Variants in PRDM1 observed in about 807,000 individuals in gnomAD.
PRDM1 encodes the protein PR/SET domain 1.
Under a neutral mutation model 62.8 loss-of-function variants are expected in PRDM1, and 13 were observed. That is an observed-to-expected ratio of 0.21 (90% CI 0.13 to 0.33). PRDM1 has a LOEUF of 0.33. Among genes scored for constraint, PRDM1 ranks in the 10% least tolerant of loss-of-function variants. PRDM1 has a pLI of 1.00. For missense variants in PRDM1, 895 were observed against 1,058.8 expected, an observed-to-expected ratio of 0.85 and a Z score of 2.15; for synonymous variants, 396 against 417.6, an observed-to-expected ratio of 0.95 and a Z score of 0.63.
intron 4 of PRDM1, among the ~76,000 whole-genome samples, chr6:106,102,174 G>A (rs1774291597): frequency 6.6e-6 from 1 of 152,096 alleles, no homozygotes; most frequent in Non-Finnish European, 1.5e-5. Context: ...TAAGCCATTC[G>A]GAGTCTTCAG....
Position 106,088,192 on chromosome 6 carries a change from C to G in PRDM1, c.43-9C>G. ...AATGGGGATTAAAGGCCTTTCCTTT[C>G]TCTTCCAGGCTGCCCCCAAGTGTAA... On this transcript the variant is annotated splice_polypyrimidine_tract_variant and intron_variant, in intron 1 of 6. Transcript: ENST00000369096. 6.3e-7 allele frequency: 1 copy of G among 1,590,494 alleles called. No homozygotes were observed. Among genetic ancestry groups the G allele is most frequent in the Non-Finnish European group, 8.6e-7 (1 of 1,167,868 alleles).
chr6:106,066,391 C>T (rs1205016525), intron 1 of PRDM1, among the ~76,000 whole-genome samples: 3 of 152,056 alleles, frequency 2.0e-5, no homozygotes, highest in East Asian at 1.9e-4. Context: ...CCCTCAAAGA[C>T]GATTATCAGA....
rs916060644 is a variant in PRDM1, at chr6:106,108,956, A to ATG, written c.*1472_*1473dup. 1 of 225,760 alleles carries ATG rather than the reference A, an allele frequency of 4.4e-6. No homozygotes were observed. Among genetic ancestry groups the ATG allele is most frequent in the Non-Finnish European group, 8.8e-6 (1 of 113,102 alleles). 14.0% of individuals were successfully genotyped at this position (225,760 alleles called of 1,614,324 possible). On this transcript the variant is annotated 3_prime_UTR_variant, in exon 7 of 7. Coordinates refer to ENST00000369096, the MANE Select transcript of PRDM1 (RefSeq NM_001198.4). ...TTATTCTGCTAAGCCCAAAGATTAC[A>ATG]TGTTGGTGTTCAAAGTGTAGCAAAA...
At chr6:106,084,901 C>T (rs1315197149), upstream of PRDM1, among the ~76,000 whole-genome samples, 3 of 152,124 alleles carry the variant, frequency 2.0e-5, no homozygotes, top group African/African-American at 7.2e-5. Context: ...CTAATCATGT[C>T]CCCTAGTGGG....
At chr6:106,069,259 G>T (rs2114599452) in intron 1 of PRDM1, among the ~76,000 whole-genome samples, 1 of 152,070 alleles carries the variant, frequency 6.6e-6, no homozygotes, top group East Asian at 1.9e-4. Context: ...ATAATGTCTA[G>T]GTTTAAAATA....
rs780000663 is a variant in PRDM1, at chr6:105,998,812, G to A, written c.-67+5173G>A. ...TTATAGTTCTGCCTCTGCCAGGCTG[G>A]TAATATCCATCTTCCCTTACTGGGT... is the stretch of plus-strand genomic sequence containing the variant. On this transcript the variant is annotated intron_variant, in intron 1 of 6. Coordinates refer to the PRDM1 transcript ENST00000652320. Among the ~76,000 whole-genome samples, 48 of 151,088 alleles carry A rather than the reference G, an allele frequency of 3.2e-4. 1 individual carries two copies. The highest frequency in any genetic ancestry group is 3.5e-3 in the Middle Eastern group (1 of 288).
At chr6:106,098,623 C>T in intron 3 of PRDM1, 4 of 1,323,556 alleles carry the variant, frequency 3.0e-6, no homozygotes, top group South Asian at 2.5e-5. Context: ...AAAGTGACTT[C>T]TCAGTAATAG....
intron 1 of PRDM1, among the ~76,000 whole-genome samples, chr6:106,076,662 T>G (rs1773610103): frequency 1.3e-5 from 2 of 152,244 alleles, no homozygotes; most frequent in South Asian, 4.1e-4. Flanking sequence ...TAGACTATAT[T>G]ACTTAAGATG....
At chr6:106,050,167 G>A (rs1773150243) in intron 1 of PRDM1, among the ~76,000 whole-genome samples, 1 of 152,162 alleles carries the variant, frequency 6.6e-6, no homozygotes, top group Non-Finnish European at 1.5e-5. Context: ...GTCCTTCTCA[G>A]ATATGTGCCT....
Position 106,109,934 on chromosome 6 carries a change from CA to C in PRDM1, c.*2452del. 4.6e-6 allele frequency: 1 copy of C among 218,684 alleles called. No homozygotes were observed. Among genetic ancestry groups the C allele is most frequent in the East Asian group, 6.8e-5 (1 of 14,764 alleles). 13.5% of individuals were successfully genotyped at this position (218,684 alleles called of 1,614,324 possible). A position where few individuals can be genotyped will look rare whatever the true frequency, so the allele number is the denominator to read the frequency against. The stretch of plus-strand genomic sequence containing the variant: ...TTAAATATAAATGTTCATGCTTTAC[CA>C]AAATTTGTCTAGTGTCTTGAGTGAA... On this transcript the variant is annotated 3_prime_UTR_variant, in exon 7 of 7. Coordinates refer to ENST00000369096, the MANE Select transcript of PRDM1 (RefSeq NM_001198.4).
chr6:106,086,467 C>T lies in PRDM1; in HGVS notation c.-87C>T, dbSNP rs553197915. The T allele has an allele frequency of 2.2e-6, 3 of 1,361,472 alleles. No homozygotes were observed. Among genetic ancestry groups the T allele is most frequent in the Non-Finnish European group, 3.0e-6 (3 of 988,462 alleles). The allele number at this position is 1,361,472 out of a possible 1,614,324, so 84.3% of individuals were successfully genotyped here. On this transcript the variant is annotated 5_prime_UTR_variant, in exon 1 of 7. Coordinates refer to ENST00000369096, the MANE Select transcript of PRDM1 (RefSeq NM_001198.4). ...GCGGCCGGACGAAGCGAGGAGGGACCGCCGAGGTGCGCGTCTGTGCGGCTC... is the reference window on the plus strand; with the variant it reads ...GCGGCCGGACGAAGCGAGGAGGGACTGCCGAGGTGCGCGTCTGTGCGGCTC...
Position 105,994,041 on chromosome 6 carries a change from C to A in PRDM1, c.-67+402C>A, listed in dbSNP as rs972148003. Among the ~76,000 whole-genome samples the A allele has an allele frequency of 6.6e-6, 1 of 152,200 alleles. No individual in the cohort carries two copies. Among genetic ancestry groups the A allele is most frequent in the Non-Finnish European group, 1.5e-5 (1 of 68,020 alleles). On this transcript the variant is annotated intron_variant, in intron 1 of 6. Coordinates refer to the PRDM1 transcript ENST00000652320. This position sits in a 1 kb window ranked among gnomAD's most constrained non-coding sequence, Gnocchi z 4.1. ...CGGGGGTAAGGTATTTATTTGTACG[C>A]TAGTTGAAGTGGGGCAGGAGCACTG...
intron 1 of PRDM1, among the ~76,000 whole-genome samples, chr6:106,014,008 C>CT: frequency 6.7e-6 from 1 of 149,578 alleles, no homozygotes; most frequent in South Asian, 2.1e-4. Context: ...TTGTTTACTT[C>CT]TTTACTGTCT....
Position 106,106,070 on chromosome 6 carries a change from C to T in PRDM1, c.1773+137C>T. On this transcript the variant is annotated intron_variant, in intron 5 of 6. Transcript: ENST00000369096. This position sits in a 1 kb window ranked among gnomAD's most constrained non-coding sequence, Gnocchi z 4.4. Reference sequence around the variant, plus strand: ...TGGGGATAGTGGGTATGGATTCCGCCTGGCTTTTGCCACTTCTAGCTCTTT... The same window carrying T: ...TGGGGATAGTGGGTATGGATTCCGCTTGGCTTTTGCCACTTCTAGCTCTTT... The T allele has an allele frequency of 7.5e-7, 1 of 1,336,782 alleles. No homozygotes were observed. Among genetic ancestry groups the T allele is most frequent in the East Asian group, 2.5e-5 (1 of 39,734 alleles). 82.8% of individuals were successfully genotyped at this position (1,336,782 alleles called of 1,614,324 possible).
chr6:106,088,375 G>A lies in PRDM1; in HGVS notation c.217G>A (p.Gly73Ser). The change falls in exon 2 of 7, where the codon GGC becomes AGC. Residue 73 changes from glycine to serine, a missense_variant. Physicochemically the swap from Gly to Ser is moderately conservative, Grantham distance 56. Coordinates refer to ENST00000369096, the MANE Select transcript of PRDM1 (RefSeq NM_001198.4). ...CCACCCCTGGGATTCTGGTGCTGATGGCGGTACTTCGGTTCAGGCGGAGGC... is the reference window on the plus strand; with the variant it reads ...CCACCCCTGGGATTCTGGTGCTGATAGCGGTACTTCGGTTCAGGCGGAGGC... ...NDHPWDSGADGGTSVQAEASL... is the reference protein window; with the variant it reads ...NDHPWDSGADSGTSVQAEASL... 6.2e-7 allele frequency: 1 copy of A among 1,614,168 alleles called. No homozygotes were observed. The highest frequency in any genetic ancestry group is 8.5e-7 in the Non-Finnish European group (1 of 1,180,038).
chr6:106,054,225 T>G (rs1002816512), intron 1 of PRDM1, among the ~76,000 whole-genome samples: 4 of 152,060 alleles, frequency 2.6e-5, no homozygotes, highest in Middle Eastern at 6.8e-3. Flanking sequence ...TAAAGAAAAC[T>G]GAAGGAAGAT....
chr6:106,069,183 A>G (rs1205525793), intron 1 of PRDM1, among the ~76,000 whole-genome samples: 2 of 152,224 alleles, frequency 1.3e-5, no homozygotes, highest in Non-Finnish European at 2.9e-5. Flanking sequence ...GGTCCAATCA[A>G]TTACAAAAAC....
rs1321336865 is a variant in PRDM1, at chr6:105,994,198, G to A, written c.-67+559G>A. ...GCTGGGGACGCCGCATCTACTGAGC[G>A]GTCGCCGAAGACGCCGGGAGGCGAG... On this transcript the variant is annotated intron_variant, in intron 1 of 6. Coordinates refer to the PRDM1 transcript ENST00000652320. This position sits in a 1 kb window ranked among gnomAD's most constrained non-coding sequence, Gnocchi z 4.1. Among the ~76,000 whole-genome samples, 1 of 152,046 alleles carries A rather than the reference G, an allele frequency of 6.6e-6. No homozygotes were observed. The highest frequency in any genetic ancestry group is 2.4e-5 in the African/African-American group (1 of 41,386).
intron 3 of PRDM1, chr6:106,098,487 T>C: frequency 7.6e-6 from 9 of 1,191,444 alleles, no homozygotes; most frequent in Non-Finnish European, 9.6e-6. Flanking sequence ...TCCTGTTCTT[T>C]TTCCAAAAAC....
Sources: allele counts gnomAD v4.1 joint callset (sites outside exome capture counted in the v4.1 genomes callset), GRCh38; gene constraint gnomAD v4.1.1; non-coding constraint Gnocchi (gnomAD v3.1); transcripts MANE v1.5; gene names NCBI Gene and HGNC (gene_info 2026-07-23, HGNC 2026-07-21).